ARPP21: variants seen among roughly 807,000 people sequenced by gnomAD.
The protein encoded by ARPP21 is cAMP-regulated phosphoprotein 21.
In ARPP21, 69 loss-of-function variants were observed where a neutral mutation model predicts 113.2. The observed-to-expected ratio is 0.61, with a 90% CI of 0.50 to 0.74. The LOEUF (loss-of-function observed/expected upper bound fraction) is 0.74. Ranked by LOEUF, ARPP21 falls within the 30% of genes least tolerant of loss-of-function variation. ARPP21 has a pLI of 0.00. For synonymous variants in ARPP21, 368 were observed against 375.5 expected, an observed-to-expected ratio of 0.98 and a Z score of 0.23; for missense variants, 1,070 against 1,037.4, an observed-to-expected ratio of 1.03 and a Z score of -0.43.
intron 11 of ARPP21, 117 bp from the exon 12 acceptor site, chr3:35,715,322 A>AT: frequency 2.5e-6 from 2 of 785,604 alleles, no homozygotes; most frequent in Non-Finnish European, 4.3e-6. Context: ...TTTTGTACCT[A>AT]TTTTTCTTAA....
intron 10 of ARPP21, chr3:35,707,466 G>A (rs1041814986): frequency 2.1e-6 from 1 of 470,380 alleles, no homozygotes; most frequent in African/African-American, 2.0e-5. Flanking sequence ...TCCTTCAGTT[G>A]TGCACAAATT....
chr3:35,640,224 A>AAAAC lies in ARPP21; in HGVS notation c.-374_-371dup, dbSNP rs149569318. The AAAAC allele has an allele frequency of 3.3e-5, 5 of 152,414 alleles. No homozygotes were observed. Among genetic ancestry groups the AAAAC allele is most frequent in the South Asian group, 4.1e-4 (2 of 4,826 alleles). The allele number at this position is 152,414 out of a possible 1,614,324, so 9.4% of individuals were successfully genotyped here. On this transcript the variant is annotated 5_prime_UTR_variant, in exon 1 of 21. Transcript: ENST00000684406. ...GCAGTTAAATAAATCGACCAAAAACAAAACAAACAAACAAACCCAACAACA... is the reference window on the plus strand; with the variant it reads ...GCAGTTAAATAAATCGACCAAAAACAAAACAAACAAACAAACAAACCCAACAACA...
At chr3:35,734,625 C>A (rs1049754701) in intron 15 of ARPP21, among the ~76,000 whole-genome samples, 1 of 152,170 alleles carries the variant, frequency 6.6e-6, no homozygotes, top group Admixed American at 6.5e-5. Context: ...GTTACTAACA[C>A]ACAAATATAT....
intron 19 of ARPP21, among the ~76,000 whole-genome samples, chr3:35,754,883 T>C (rs1025122309): frequency 6.6e-6 from 1 of 152,116 alleles, no homozygotes; most frequent in Non-Finnish European, 1.5e-5. Context: ...AATTATAGCA[T>C]TATCTGTTTT....
chr3:35,652,119 A>G (rs1702641200), intron 1 of ARPP21, among the ~76,000 whole-genome samples: 1 of 152,064 alleles, frequency 6.6e-6, no homozygotes, highest in African/African-American at 2.4e-5. Flanking sequence ...TGTACACAAG[A>G]TTCCATGCAG....
chr3:35,645,246 C>T (rs577443783), intron 1 of ARPP21, among the ~76,000 whole-genome samples: 4 of 151,924 alleles, frequency 2.6e-5, no homozygotes, highest in African/African-American at 9.6e-5. Flanking sequence ...CAAGATGATA[C>T]AATTCTTAAA....
chr3:35,647,146 T>C (rs962425392), intron 1 of ARPP21, among the ~76,000 whole-genome samples: 4 of 152,202 alleles, frequency 2.6e-5, no homozygotes, highest in African/African-American at 9.6e-5. Flanking sequence ...ATTATAATTA[T>C]TGTCTTCAGC....
chr3:35,678,698 T>G (rs867618187), intron 1 of ARPP21: 41 of 152,006 alleles, frequency 2.7e-4, no homozygotes, highest in African/African-American at 8.4e-4. Flanking sequence ...TAACCCAATA[T>G]GTTATTAATA....
chr3:35,717,454 A>G, intron 13 of ARPP21, 97 bp downstream of exon 13: 1 of 789,484 alleles, frequency 1.3e-6, no homozygotes, highest in Non-Finnish European at 2.2e-6. Flanking sequence ...ATATCTGTTC[A>G]TTTAAAAAAG....
Position 35,696,062 on chromosome 3 carries a change from A to G in ARPP21, c.686+5057A>G, listed in dbSNP as rs1575943973. Among the ~76,000 whole-genome samples, 4 of 151,646 alleles carry G rather than the reference A, an allele frequency of 2.6e-5. No homozygotes were observed. In the South Asian group the frequency reaches 8.3e-4, roughly 31 times the overall value. The stretch of plus-strand genomic sequence containing the variant: ...GTCAATGACAGTAGGAGGCTACATA[A>G]GATTGAATAGAATCTTGAAGGCGGG... On this transcript the variant is annotated intron_variant, in intron 9 of 20. Coordinates refer to ENST00000684406, the MANE Select transcript of ARPP21 (RefSeq NM_001385562.1).
intron 15 of ARPP21, among the ~76,000 whole-genome samples, chr3:35,731,128 T>C (rs1286933716): frequency 6.6e-6 from 1 of 152,198 alleles, no homozygotes; most frequent in Non-Finnish European, 1.5e-5. Flanking sequence ...TTTTAACCAC[T>C]TGTTTTGAGT....
Position 35,668,027 on chromosome 3 carries a change from A to AAGAAGAAGG in ARPP21, c.-212-11755_-212-11754insAAGGAGAAG, listed in dbSNP as rs1553646509. Reference sequence around the variant, plus strand: ...GAAGAAGAAGAAGAAGAAGAAGAAGAAGAAGGAGAAGAAGAAGAAAGAAGA... The same window carrying AAGAAGAAGG: ...GAAGAAGAAGAAGAAGAAGAAGAAGAAGAAGAAGGAGAAGGAGAAGAAGAAGAAAGAAGA... On this transcript the variant is annotated intron_variant, in intron 1 of 20. Transcript: ENST00000684406. 3.8e-3 allele frequency among the ~76,000 whole-genome samples: 497 copies of AAGAAGAAGG among 132,042 alleles called. 3 individuals are homozygous for AAGAAGAAGG. Among genetic ancestry groups the AAGAAGAAGG allele is most frequent in the African/African-American group, 6.7e-3 (238 of 35,458 alleles). 86.6% of individuals were successfully genotyped at this position (132,042 alleles called of 152,430 possible).
chr3:35,700,711 T>A (rs1285681893), intron 9 of ARPP21, among the ~76,000 whole-genome samples: 1 of 151,810 alleles, frequency 6.6e-6, no homozygotes, highest in African/African-American at 2.4e-5. Context: ...TCTGTCAAAG[T>A]AGCACCAGAG....
At chr3:35,717,579 T>G (rs2092591044) in intron 13 of ARPP21, among the ~76,000 whole-genome samples, 1 of 152,102 alleles carries the variant, frequency 6.6e-6, no homozygotes, top group African/African-American at 2.4e-5. Context: ...AGGGTTCTTC[T>G]GGTTTTCTGC....
intron 19 of ARPP21, among the ~76,000 whole-genome samples, chr3:35,761,813 T>C (rs1185884695): frequency 2.0e-5 from 3 of 152,084 alleles, no homozygotes; most frequent in Non-Finnish European, 2.9e-5. Flanking sequence ...ACAGGTTTAA[T>C]TTCTAAGTAG....
chr3:35,730,767 G>A (rs1332814691), intron 15 of ARPP21, among the ~76,000 whole-genome samples: 1 of 152,116 alleles, frequency 6.6e-6, no homozygotes. Context: ...AGAAATATGA[G>A]AACTGTAGTA....
intron 11 of ARPP21, among the ~76,000 whole-genome samples, chr3:35,713,787 A>C (rs1440288849): frequency 1.3e-5 from 2 of 152,218 alleles, no homozygotes; most frequent in African/African-American, 4.8e-5. Flanking sequence ...TTGAGTCTAA[A>C]GAGGTCACTA....
At chr3:35,758,339 A>G (rs1466867244) in intron 19 of ARPP21, among the ~76,000 whole-genome samples, 1 of 152,108 alleles carries the variant, frequency 6.6e-6, no homozygotes, top group Non-Finnish European at 1.5e-5. Context: ...TAGCTTCTAC[A>G]TTCAACAAAT....
chr3:35,674,718 G>T (rs1409150195), intron 1 of ARPP21, among the ~76,000 whole-genome samples: 7 of 151,830 alleles, frequency 4.6e-5, no homozygotes, highest in Non-Finnish European at 1.0e-4. Flanking sequence ...TTTTCAAAAG[G>T]AGAAGCTGAG....
Sources: allele counts gnomAD v4.1 joint callset (sites outside exome capture counted in the v4.1 genomes callset), GRCh38; gene constraint gnomAD v4.1.1; transcripts MANE v1.5; gene names NCBI Gene and HGNC (gene_info 2026-07-23, HGNC 2026-07-21).